The following AKT2 variants were observed in gnomAD, a reference collection of about 807,000 sequenced individuals.
The protein encoded by AKT2 is RAC-beta serine/threonine-protein kinase.
A neutral mutation model predicts 58.6 loss-of-function variants in AKT2; 16 were observed. The observed-to-expected ratio is 0.27, with a 90% CI of 0.18 to 0.41. AKT2 has a LOEUF of 0.41. AKT2 is among the 10% of genes least tolerant of loss of function. AKT2 has a pLI of 1.00. For synonymous variants in AKT2, 253 were observed against 254.0 expected, an observed-to-expected ratio of 1.00 and a Z score of 0.04; for missense variants, 438 against 661.0, an observed-to-expected ratio of 0.66 and a Z score of 3.70.
chr19:40,244,445 A>T (rs901742769), intron 4 of AKT2: 1 of 152,152 alleles, frequency 6.6e-6, no homozygotes, highest in Non-Finnish European at 1.5e-5. Context: ...TTTTCTTTGG[A>T]TACTTACAAA....
At chr19:40,265,129 G>A in intron 2 of AKT2, 93 bp downstream of exon 2, 1 of 1,542,868 alleles carries the variant, frequency 6.5e-7, no homozygotes, top group Non-Finnish European at 8.8e-7. Context: ...TCCTCAGGCT[G>A]GTAAGACCCT....
chr19:40,251,755 A>C (rs963236562), intron 4 of AKT2, among the ~76,000 whole-genome samples: 2 of 152,212 alleles, frequency 1.3e-5, no homozygotes, highest in African/African-American at 4.8e-5. Flanking sequence ...AGTTACTAGT[A>C]AACAAAGATT....
rs187303420 is a variant in AKT2, at chr19:40,231,057, T to A, written c.*2815A>T. On this transcript the variant is annotated 3_prime_UTR_variant, in exon 14 of 14. Transcript: ENST00000392038. ...TATATACAAAAAAGAATGTGTGAAA[T>A]TTTTAAAATGTACATTGCAAAAGAC... 9.0e-3 allele frequency: 1,956 copies of A among 218,392 alleles called. 11 individuals are homozygous for A. Among genetic ancestry groups the A allele is most frequent in the Middle Eastern group, 0.016 (11 of 698 alleles). 13.5% of individuals were successfully genotyped at this position (218,392 alleles called of 1,614,324 possible). A position where few individuals can be genotyped will look rare whatever the true frequency, so the allele number is the denominator to read the frequency against.
At chr19:40,253,041 C>T (rs1274990217) in intron 4 of AKT2, among the ~76,000 whole-genome samples, 1 of 152,112 alleles carries the variant, frequency 6.6e-6, no homozygotes, top group African/African-American at 2.4e-5. Context: ...ATTGTGGGTT[C>T]CTGAGCTGTA....
chr19:40,249,045 G>C (rs113371108), intron 4 of AKT2, among the ~76,000 whole-genome samples: 2 of 146,566 alleles, frequency 1.4e-5, no homozygotes, highest in East Asian at 2.0e-4. Context: ...GGGAGGAGTG[G>C]AGGAGATGAG....
chr19:40,241,784 G>A, intron 6 of AKT2, 154 bp downstream of exon 6: 3 of 1,169,482 alleles, frequency 2.6e-6, no homozygotes, highest in Non-Finnish European at 3.7e-6. Flanking sequence ...GCTCCTCTCT[G>A]GGCCTCAGGC....
rs766067910 is a variant in AKT2, at chr19:40,235,422, G to A, written c.1176-72C>T. On this transcript the variant is annotated intron_variant, in intron 11 of 13. Coordinates refer to ENST00000392038, the MANE Select transcript of AKT2 (RefSeq NM_001626.6). This position sits in a 1 kb window ranked among gnomAD's most constrained non-coding sequence, Gnocchi z 6.3. Reference sequence around the variant, plus strand: ...TCGGGCAGACGGGCTTTCGGAGCAGGCAGGCCCTGTATGGCCCTTAATGAT... The same window carrying A: ...TCGGGCAGACGGGCTTTCGGAGCAGACAGGCCCTGTATGGCCCTTAATGAT... 3 of 1,415,446 alleles carry A rather than the reference G, an allele frequency of 2.1e-6. No homozygotes were observed. In the Admixed American group the frequency reaches 5.1e-5, roughly 24 times the overall value. 87.7% of individuals were successfully genotyped at this position (1,415,446 alleles called of 1,614,324 possible).
intron 1 of AKT2, chr19:40,282,746 C>T (rs2077447212): frequency 9.3e-6 from 3 of 323,714 alleles, no homozygotes; most frequent in South Asian, 7.0e-5. Flanking sequence ...CGGTGGAAGG[C>T]AATTCTTCCT....
Position 40,238,780 on chromosome 19 carries a change from A to C in AKT2, c.708+125T>G. The C allele has an allele frequency of 9.8e-7, 1 of 1,024,122 alleles. No individual in the cohort carries two copies. 63.4% of individuals were successfully genotyped at this position (1,024,122 alleles called of 1,614,324 possible). On this transcript the variant is annotated intron_variant, in intron 8 of 13. Coordinates refer to ENST00000392038, the MANE Select transcript of AKT2 (RefSeq NM_001626.6). This position sits in a 1 kb window ranked among gnomAD's most constrained non-coding sequence, Gnocchi z 5.1. ...GAGACGAAGCCGCCTGCCTCAAGGG[A>C]GAGGGGCACTAGATGACACTGAAAT...
At chr19:40,240,366 A>T in intron 6 of AKT2, 1 of 683,510 alleles carries the variant, frequency 1.5e-6, no homozygotes, top group East Asian at 2.9e-5. Context: ...TGCTAGGGAC[A>T]AGACACCTGT....
rs987087732 is a variant in AKT2, at chr19:40,239,812, A to G, written c.639+233T>C. The G allele has an allele frequency of 7.2e-6, 5 of 693,034 alleles. No homozygotes were observed. The African/African-American group carries it at 8.8e-5, about 12-fold the overall frequency. The allele number at this position is 693,034 out of a possible 1,614,324, so 42.9% of individuals were successfully genotyped here. Reference sequence around the variant, plus strand: ...TAATGTGATATCTTCAGTTAGTTCAAATGCTTACATGAAGCCACCATCTAT... The same window carrying G: ...TAATGTGATATCTTCAGTTAGTTCAGATGCTTACATGAAGCCACCATCTAT... On this transcript the variant is annotated intron_variant, in intron 7 of 13. Coordinates refer to ENST00000392038, the MANE Select transcript of AKT2 (RefSeq NM_001626.6).
Position 40,285,283 on chromosome 19 carries a change from C to CCGGCAGCGGCAACGGT in AKT2, c.-188_-187insACCGTTGCCGCTGCCG. 2.5e-6 allele frequency: 1 copy of CCGGCAGCGGCAACGGT among 395,122 alleles called. No individual in the cohort carries two copies. Among genetic ancestry groups the CCGGCAGCGGCAACGGT allele is most frequent in the Non-Finnish European group, 4.5e-6 (1 of 223,918 alleles). 24.5% of individuals were successfully genotyped at this position (395,122 alleles called of 1,614,324 possible). A position where few individuals can be genotyped will look rare whatever the true frequency, so the allele number is the denominator to read the frequency against. On this transcript the variant is annotated 5_prime_UTR_variant, in exon 1 of 14. Transcript: ENST00000392038. ...TTGTGTTTCCCGGCAGCGGCAACGGCGCCGGCAGCGGCAGCGGCGGCGGCG... is the reference window on the plus strand; with the variant it reads ...TTGTGTTTCCCGGCAGCGGCAACGGCCGGCAGCGGCAACGGTGCCGGCAGCGGCAGCGGCGGCGGCG...
rs1206136144 is a variant in AKT2, at chr19:40,242,821, A to G, written c.288-134T>C. The G allele has an allele frequency of 9.9e-7, 1 of 1,007,102 alleles. No individual in the cohort carries two copies. The highest frequency in any genetic ancestry group is 2.0e-5 in the Admixed American group (1 of 49,488). 62.4% of individuals were successfully genotyped at this position (1,007,102 alleles called of 1,614,324 possible). On this transcript the variant is annotated intron_variant, in intron 4 of 13. Coordinates refer to ENST00000392038, the MANE Select transcript of AKT2 (RefSeq NM_001626.6). This position sits in a 1 kb window ranked among gnomAD's most constrained non-coding sequence, Gnocchi z 4.3. ...ACATAACCATGGGAATTTGGGCAAG[A>G]TCTGTCAGAACCAGAGAGAGCTGAA...
intron 1 of AKT2, chr19:40,269,556 A>T (rs1976576398): frequency 6.6e-6 from 1 of 152,160 alleles, no homozygotes; most frequent in Admixed American, 6.5e-5. Context: ...AAGCAGTCAA[A>T]ATCAAAGCTC....
chr19:40,233,525 C>A lies in AKT2; in HGVS notation c.*347G>T, dbSNP rs759201760. ...AGCAGCGCGGAGGCAGACACCAGCA[C>A]GACACCCAGGCCAGAAACTCAGGCA... On this transcript the variant is annotated 3_prime_UTR_variant, in exon 14 of 14. Transcript: ENST00000392038. This position sits in a 1 kb window ranked among gnomAD's most constrained non-coding sequence, Gnocchi z 4.3. 3 of 628,320 alleles carry A rather than the reference C, an allele frequency of 4.8e-6. No individual in the cohort carries two copies. The highest frequency in any genetic ancestry group is 9.1e-6 in the Non-Finnish European group (3 of 329,852). 38.9% of individuals were successfully genotyped at this position (628,320 alleles called of 1,614,324 possible).
At chr19:40,254,452 C>T (rs145315643) in intron 4 of AKT2, among the ~76,000 whole-genome samples, 351 of 151,194 alleles carry the variant, frequency 2.3e-3, no homozygotes, top group African/African-American at 8.1e-3. Context: ...CACTTGAACC[C>T]GGGAGGCGGA....
intron 1 of AKT2, chr19:40,275,242 G>A (rs759358200): frequency 1.5e-5 from 7 of 456,668 alleles, no homozygotes; most frequent in Middle Eastern, 3.3e-4. Context: ...CCCACACCCC[G>A]GCCAGCCCTT....
At position 40,235,358 on chromosome 19, in the gene AKT2, G is replaced by A. The variant is rs1289428889; in HGVS notation, c.1176-8C>T. ...CTGGGCCCCCCACCAAGCCTGTGCAGAGACGGCCGTCAGCACCTGCCTCCC... is the reference window on the plus strand; with the variant it reads ...CTGGGCCCCCCACCAAGCCTGTGCAAAGACGGCCGTCAGCACCTGCCTCCC... On this transcript the variant is annotated splice_region_variant and splice_polypyrimidine_tract_variant and intron_variant, in intron 11 of 13. Transcript: ENST00000392038. The surrounding 1 kb of genome is among the most constrained non-coding windows in gnomAD (Gnocchi z 6.3). 6.2e-7 allele frequency: 1 copy of A among 1,613,652 alleles called. No homozygotes were observed. Among genetic ancestry groups the A allele is most frequent in the Non-Finnish European group, 8.5e-7 (1 of 1,180,006 alleles).
At position 40,230,692 on chromosome 19, in the gene AKT2, G is replaced by A. The variant is rs982646249; in HGVS notation, c.*3180C>T. 4.6e-6 allele frequency: 1 copy of A among 216,244 alleles called. No individual in the cohort carries two copies. Among genetic ancestry groups the A allele is most frequent in the Middle Eastern group, 1.5e-3 (1 of 672 alleles). The allele number at this position is 216,244 out of a possible 1,614,324, so 13.4% of individuals were successfully genotyped here. A position where few individuals can be genotyped will look rare whatever the true frequency, so the allele number is the denominator to read the frequency against. ...TCCTTTCTTATACTCCTGCTTTGCT[G>A]TCTTTTTTAATAGCATGTATCATGT... is the stretch of plus-strand genomic sequence containing the variant. On this transcript the variant is annotated 3_prime_UTR_variant, in exon 14 of 14. Transcript: ENST00000392038.
Sources: allele counts gnomAD v4.1 joint callset (sites outside exome capture counted in the v4.1 genomes callset), GRCh38; gene constraint gnomAD v4.1.1; non-coding constraint Gnocchi (gnomAD v3.1); transcripts MANE v1.5; gene names NCBI Gene and HGNC (gene_info 2026-07-23, HGNC 2026-07-21).